The following PKHD1L1 variants were observed in gnomAD, a reference collection of about 807,000 sequenced individuals.
The protein encoded by PKHD1L1 is PKHD1 like 1.
In PKHD1L1, 434 loss-of-function variants were observed where a neutral mutation model predicts 462.9. The ratio of observed to expected loss-of-function variants is 0.94; its 90% CI spans 0.87 to 1.02. The LOEUF (loss-of-function observed/expected upper bound fraction) is 1.02. Among genes scored for constraint, PKHD1L1 ranks in the 50% least tolerant of loss-of-function variants. PKHD1L1 has a pLI of 0.00. For missense variants in PKHD1L1, 5,202 were observed against 5,096.1 expected (o/e 1.02, Z -0.63); for synonymous variants, 1,781 against 1,750.0 (o/e 1.02, Z -0.44).
In PKHD1L1 at chr8:109,464,838, A is replaced by G. The variant is rs1586570185; in HGVS notation, c.8006A>G (p.Gln2669Arg). ...GAATGGGTCAATGGAGGTGCCCTTC[A>G]GTTCCATAACTTTGTGATGGTGAAT... Reference protein sequence around the residue: ...GAEWVNGGALQFHNFVMVNNY... With the variant: ...GAEWVNGGALRFHNFVMVNNY... The change falls in exon 49 of 78, where the codon CAG (glutamine) becomes CGG (arginine). Residue 2669 changes from glutamine (Q) to arginine (R), a missense_variant. Gln to Arg is a conservative substitution (Grantham distance 43, BLOSUM62 1). This residue lies in a region of PKHD1L1 where 4,497 missense variants were observed against 4,336.8 expected (regional missense o/e 1.04). Transcript: ENST00000378402. 4 of 1,613,862 alleles carry G rather than the reference A, an allele frequency of 2.5e-6. No homozygotes were observed. The East Asian group carries it at 8.9e-5, about 36-fold the overall frequency.
At chr8:109,366,046 G>T (rs1811215687) in intron 2 of PKHD1L1, among the ~76,000 whole-genome samples, 1 of 152,150 alleles carries the variant, frequency 6.6e-6, no homozygotes, top group Non-Finnish European at 1.5e-5. Context: ...TTCTGATCTA[G>T]GAACTATGGC....
At position 109,445,557 on chromosome 8, in the gene PKHD1L1, C is replaced by T; in HGVS notation, c.5688C>T (p.Ile1896=). 6.2e-7 allele frequency: 1 copy of T among 1,612,456 alleles called. No individual in the cohort carries two copies. ...CCACTGGAATGGTCGATGTTAAAAT[C>T]TTTGTTAATACAATTGCTTATCCAC... ...AGTTGMVDVK[I]FVNTIAYPPL... is the part of the protein sequence containing the mutation. The change falls in exon 38 of 78, where the codon ATC becomes ATT. Residue 1896 remains isoleucine (I), a synonymous_variant. Transcript: ENST00000378402.
chr8:109,479,885 A>T (rs534688403), intron 54 of PKHD1L1, 106 bp from the exon 55 acceptor site: 2 of 1,111,966 alleles, frequency 1.8e-6, no homozygotes, highest in East Asian at 5.3e-5. Context: ...ATGAAAAGAC[A>T]TGTCATAAAC....
intron 21 of PKHD1L1, among the ~76,000 whole-genome samples, chr8:109,418,690 C>T (rs998409509): frequency 1.3e-5 from 2 of 152,192 alleles, no homozygotes; most frequent in Admixed American, 6.5e-5. Flanking sequence ...TCCAGTTTTG[C>T]TTCTTAGCAG....
At position 109,461,250 on chromosome 8, in the gene PKHD1L1, A is replaced by G. The variant is rs1438675263; in HGVS notation, c.7247-522A>G. On this transcript the variant is annotated intron_variant, in intron 47 of 77. Coordinates refer to ENST00000378402, the MANE Select transcript of PKHD1L1 (RefSeq NM_177531.6). ...CAAAAGGAAGTATAAGACAAAGCCC[A>G]TGGGATTTTATGTCAAATGAGCTAC... 2.6e-5 allele frequency among the ~76,000 whole-genome samples: 4 copies of G among 152,200 alleles called. 1 individual carries two copies.
At chr8:109,492,425 T>C (rs755436861) in intron 62 of PKHD1L1, among the ~76,000 whole-genome samples, 83 of 151,856 alleles carry the variant, frequency 5.5e-4, no homozygotes, top group Non-Finnish European at 1.1e-3. Context: ...TCAATTACTA[T>C]AGGTGTTTGT....
chr8:109,371,525 A>G (rs1001768511), intron 2 of PKHD1L1, among the ~76,000 whole-genome samples: 2 of 149,278 alleles, frequency 1.3e-5, no homozygotes, highest in Non-Finnish European at 3.0e-5. Context: ...CCCATTTGTC[A>G]ATTTTGGCTT....
In PKHD1L1 at chr8:109,475,156, C is replaced by T. The variant is rs1288893622; in HGVS notation, c.8644C>T (p.His2882Tyr). Residue 2882 changes from histidine to tyrosine, a missense_variant, in exon 51 of 78, where the codon CAT becomes TAT. His to Tyr is a moderately conservative substitution (Grantham distance 83). Coordinates refer to ENST00000378402, the MANE Select transcript of PKHD1L1 (RefSeq NM_177531.6). Reference sequence around the variant, plus strand: ...TCCATTTCAGAAGAAACGACTGACTCATATGTCTGGATGGATGGCTCTGAT... The same window carrying T: ...TCCATTTCAGAAGAAACGACTGACTTATATGTCTGGATGGATGGCTCTGAT... ...IIPFQKKRLT[H>Y]MSGWMALIPN... The T allele has an allele frequency of 6.2e-7, 1 of 1,611,780 alleles. No homozygotes were observed. Among genetic ancestry groups the T allele is most frequent in the Non-Finnish European group, 8.5e-7 (1 of 1,179,004 alleles).
chr8:109,399,903 A>C lies in PKHD1L1; in HGVS notation c.1013-173A>C, dbSNP rs1244832609. Among the ~76,000 whole-genome samples, 15 of 152,164 alleles carry C rather than the reference A, an allele frequency of 9.9e-5. 1 individual carries two copies. Among genetic ancestry groups the C allele is most frequent in the Admixed American group, 9.8e-4 (15 of 15,252 alleles). On this transcript the variant is annotated intron_variant, in intron 12 of 77. Coordinates refer to ENST00000378402, the MANE Select transcript of PKHD1L1 (RefSeq NM_177531.6). ...AGTGAAGTAATAATGAACAAATTAC[A>C]GACTGCCCTCTGGCTGCAGATACGT... is the stretch of plus-strand genomic sequence containing the variant.
Position 109,464,852 on chromosome 8 carries a change from G to A in PKHD1L1, c.8020G>A (p.Val2674Met), listed in dbSNP as rs372292959. The change falls in exon 49 of 78, where the codon GTG becomes ATG. Residue 2674 changes from valine to methionine, a missense_variant. Transcript: ENST00000378402. Reference protein sequence around the residue: ...NGGALQFHNFVMVNNYEAGIE... With the variant: ...NGGALQFHNFMMVNNYEAGIE... ...AGGTGCCCTTCAGTTCCATAACTTTGTGATGGTGAATAACTATGAGGCTGG... is the reference window on the plus strand; with the variant it reads ...AGGTGCCCTTCAGTTCCATAACTTTATGATGGTGAATAACTATGAGGCTGG... The A allele has an allele frequency of 4.6e-5, 74 of 1,613,820 alleles. No homozygotes were observed. The African/African-American group carries it at 8.1e-4, about 18-fold the overall frequency.
At chr8:109,396,691 C>G (rs538706795) in intron 11 of PKHD1L1, among the ~76,000 whole-genome samples, 6 of 152,068 alleles carry the variant, frequency 3.9e-5, no homozygotes, top group Admixed American at 2.0e-4. Flanking sequence ...TTTTATGTGT[C>G]CTGTCCAGAT....
intron 2 of PKHD1L1, among the ~76,000 whole-genome samples, chr8:109,373,751 T>G (rs568793085): frequency 3.5e-4 from 54 of 152,336 alleles, no homozygotes; most frequent in African/African-American, 1.2e-3. Context: ...TCTGCCTTCA[T>G]TTTATTATGT....
chr8:109,378,648 T>C (rs554250103), intron 2 of PKHD1L1, among the ~76,000 whole-genome samples: 1 of 152,308 alleles, frequency 6.6e-6, no homozygotes, highest in South Asian at 2.1e-4. Flanking sequence ...AAAGTGGCCC[T>C]AAGGCTCTTA....
chr8:109,438,579 ATGTG>A (rs1815576228), intron 31 of PKHD1L1, 123 bp downstream of exon 31: 8 of 798,840 alleles, frequency 1.0e-5, no homozygotes, highest in Middle Eastern at 3.8e-4. Flanking sequence ...TTATAGTGTT[ATGTG>A]TGTGTATGTT....
intron 2 of PKHD1L1, among the ~76,000 whole-genome samples, chr8:109,373,895 C>A (rs546027526): frequency 6.6e-6 from 1 of 152,196 alleles, no homozygotes; most frequent in South Asian, 2.1e-4. Context: ...TATTCTTTTA[C>A]ATTTGCTGAG....
At chr8:109,432,972 C>T in intron 27 of PKHD1L1, 134 bp from the exon 28 acceptor site, 1 of 605,504 alleles carries the variant, frequency 1.7e-6, no homozygotes, top group South Asian at 2.4e-5. Flanking sequence ...GATTTTTCTC[C>T]CTGCTCTCCT....
chr8:109,389,430 C>T (rs1812601854), intron 8 of PKHD1L1, among the ~76,000 whole-genome samples: 1 of 151,554 alleles, frequency 6.6e-6, no homozygotes, highest in Admixed American at 6.6e-5. Context: ...GCTATTTTGC[C>T]TGTTGCCTTA....
chr8:109,465,707 C>T (rs1673397), intron 49 of PKHD1L1, among the ~76,000 whole-genome samples: 76,441 of 151,980 alleles, frequency 0.5, 19,498 homozygotes, highest in South Asian at 0.68. Context: ...TCTATCCTTG[C>T]GAAAATACTT....
chr8:109,387,065 T>C (rs372414304), intron 6 of PKHD1L1, among the ~76,000 whole-genome samples: 1 of 152,152 alleles, frequency 6.6e-6, no homozygotes. Flanking sequence ...ATTTCTCCCA[T>C]GTTAATTATG....
Sources: allele counts gnomAD v4.1 joint callset (sites outside exome capture counted in the v4.1 genomes callset), GRCh38; gene constraint gnomAD v4.1.1; regional missense constraint gnomAD v4.1.1; transcripts MANE v1.5; gene names NCBI Gene and HGNC (gene_info 2026-07-23, HGNC 2026-07-21).